The following TRRAP variants were observed in gnomAD, a reference collection of about 807,000 sequenced individuals.
The protein encoded by TRRAP is transformation/transcription domain associated protein, also known as transformation/transcription domain-associated protein.
Under a neutral mutation model 438.8 loss-of-function variants are expected in TRRAP, and 41 were observed. The ratio of observed to expected loss-of-function variants is 0.09; its 90% confidence interval spans 0.07 to 0.12. TRRAP has a LOEUF of 0.12. Ranked by LOEUF, TRRAP falls within the 10% of genes least tolerant of loss-of-function variation. The probability of loss-of-function intolerance (pLI) is 1.00; values close to 1 mark genes in which losing one functional copy is unlikely to be tolerated. For missense variants in TRRAP, 3,122 were observed against 5,055.1 expected (o/e 0.62, Z 11.60); for synonymous variants, 1,994 against 1,962.9 (o/e 1.02, Z -0.42).
intron 1 of TRRAP, among the ~76,000 whole-genome samples, chr7:98,879,280 G>A (rs180826388): frequency 2.0e-5 from 3 of 152,360 alleles, no homozygotes; most frequent in African/African-American, 4.8e-5. Flanking sequence ...CCCCGGCCAG[G>A]GCCCCCCAGG....
At chr7:98,923,070 G>C (rs868989435) in intron 21 of TRRAP, among the ~76,000 whole-genome samples, 1 of 152,136 alleles carries the variant, frequency 6.6e-6, no homozygotes, top group Non-Finnish European at 1.5e-5. Flanking sequence ...ATGAAGCACT[G>C]TTCCCTCTCC....
intron 61 of TRRAP, among the ~76,000 whole-genome samples, chr7:98,984,633 G>A (rs2116767286): frequency 6.6e-6 from 1 of 152,230 alleles, no homozygotes; most frequent in East Asian, 1.9e-4. Flanking sequence ...AGAATTATGA[G>A]GATCTAAGAT....
chr7:98,917,058 A>G (rs1374041794), intron 19 of TRRAP, among the ~76,000 whole-genome samples: 2 of 152,138 alleles, frequency 1.3e-5, no homozygotes, highest in African/African-American at 4.8e-5. Context: ...GCTCCTCGCC[A>G]TTTATAATAC....
chr7:98,934,918 T>C (rs571965967), intron 27 of TRRAP, among the ~76,000 whole-genome samples: 2 of 152,280 alleles, frequency 1.3e-5, no homozygotes, highest in African/African-American at 4.8e-5. Flanking sequence ...GTTTTAAGTC[T>C]TTTACCAGGT....
intron 62 of TRRAP, among the ~76,000 whole-genome samples, chr7:98,986,595 G>T (rs931801610): frequency 6.6e-6 from 1 of 152,124 alleles, no homozygotes; most frequent in African/African-American, 2.4e-5. Flanking sequence ...TATAGGTCTG[G>T]ATAAAAGTCT....
In TRRAP at chr7:98,994,555, T is replaced by C. The variant is rs758082027; in HGVS notation, c.10048-32T>C. 3 of 1,612,356 alleles carry C rather than the reference T, an allele frequency of 1.9e-6. No homozygotes were observed. Among genetic ancestry groups the C allele is most frequent in the Admixed American group, 1.7e-5 (1 of 59,992 alleles). On this transcript the variant is annotated intron_variant, in intron 66 of 72. Transcript: ENST00000456197. This position sits in a 1 kb window ranked among gnomAD's most constrained non-coding sequence, Gnocchi z 4.8. ...GCTGGTTCTGGAGTGGAGGGCTGTG[T>C]TTGTCAGTTGTCTCTGGCTCTTTTC...
chr7:98,913,242 G>A (rs1407471467), intron 18 of TRRAP, among the ~76,000 whole-genome samples: 4 of 151,972 alleles, frequency 2.6e-5, no homozygotes, highest in East Asian at 3.9e-4. Flanking sequence ...CTGGTTCTGC[G>A]GTTACAGTTA....
intron 60 of TRRAP, 59 bp from the exon 61 acceptor site, chr7:98,984,034 T>C: frequency 6.7e-7 from 1 of 1,502,622 alleles, no homozygotes; most frequent in South Asian, 1.4e-5. Flanking sequence ...TAAGCCTTGT[T>C]GTGAAGTGCT....
intron 67 of TRRAP, among the ~76,000 whole-genome samples, chr7:98,997,482 G>GAAAAAA (rs1562977777): frequency 4.6e-4 from 18 of 39,310 alleles, no homozygotes; most frequent in African/African-American, 1.7e-3. Flanking sequence ...CACTGCTGTT[G>GAAAAAA]CAAAAAAAAA....
intron 43 of TRRAP, among the ~76,000 whole-genome samples, chr7:98,957,630 C>A (rs1490889809): frequency 6.6e-6 from 1 of 152,206 alleles, no homozygotes; most frequent in Admixed American, 6.5e-5. Flanking sequence ...GCCCTGTGCT[C>A]ACTCAGGATG....
rs147673637 is a variant in TRRAP, at chr7:98,966,313, A to G, written c.7176+418A>G. 1.5e-3 allele frequency among the ~76,000 whole-genome samples: 235 copies of G among 152,266 alleles called. 1 individual carries two copies. The highest frequency in any genetic ancestry group is 5.4e-3 in the African/African-American group (225 of 41,560). ...AGAGCAAGACTCTGTCTTGGAAAAA[A>G]AAAAAGAAAGATGGATTTTTTTCAG... On this transcript the variant is annotated intron_variant, in intron 49 of 72. Transcript: ENST00000456197.
intron 24 of TRRAP, 61 bp downstream of exon 24, chr7:98,930,267 T>C (rs1790263034): frequency 6.4e-7 from 1 of 1,568,636 alleles, no homozygotes; most frequent in Non-Finnish European, 8.7e-7. Flanking sequence ...AGAGTGGTCC[T>C]TCTAGAAACT....
intron 70 of TRRAP, among the ~76,000 whole-genome samples, chr7:99,010,228 G>A (rs964687379): frequency 2.0e-5 from 3 of 152,214 alleles, no homozygotes; most frequent in African/African-American, 7.2e-5. Context: ...AAATAAAAAA[G>A]CTCCTCCAGA....
In TRRAP at chr7:98,908,980, A is replaced by G; in HGVS notation, c.1350+18A>G. The G allele has an allele frequency of 6.4e-7, 1 of 1,574,402 alleles. No individual in the cohort carries two copies. Among genetic ancestry groups the G allele is most frequent in the Non-Finnish European group, 8.7e-7 (1 of 1,148,000 alleles). On this transcript the variant is annotated intron_variant, in intron 14 of 72. Transcript: ENST00000456197. The surrounding 1 kb of genome is among the most constrained non-coding windows in gnomAD (Gnocchi z 4.1). ...TGCTGGAGGTACCAGCTCTTCTGAGAGTATCATCCATCCTGCACTCTATCC... is the reference window on the plus strand; with the variant it reads ...TGCTGGAGGTACCAGCTCTTCTGAGGGTATCATCCATCCTGCACTCTATCC...
chr7:99,009,362 CTCCTGGA>C (rs567878981), intron 70 of TRRAP, among the ~76,000 whole-genome samples: 199 of 152,302 alleles, frequency 1.3e-3, no homozygotes, highest in African/African-American at 4.2e-3. Flanking sequence ...GTTCTCCTGG[CTCCTGGA>C]GGACTTAGTT....
At chr7:98,992,355 T>G in intron 65 of TRRAP, 128 bp downstream of exon 65, 1 of 928,918 alleles carries the variant, frequency 1.1e-6, no homozygotes, top group Non-Finnish European at 1.7e-6. Context: ...CAATCTCTCC[T>G]CAGTGGGCAG....
rs750721176 is a variant in TRRAP, at chr7:98,994,890, C to G, written c.10309+42C>G. On this transcript the variant is annotated intron_variant, in intron 67 of 72. Coordinates refer to ENST00000456197, the MANE Select transcript of TRRAP (RefSeq NM_001375524.1). The surrounding 1 kb of genome is among the most constrained non-coding windows in gnomAD (Gnocchi z 4.8). ...CTTCCCTTCCATAGGGAGAATTGTG[C>G]ACGCTGATTTCCTCCGGCTTTAGTG... is the stretch of plus-strand genomic sequence containing the variant. 1 of 1,598,816 alleles carries G rather than the reference C, an allele frequency of 6.3e-7. No homozygotes were observed. Among genetic ancestry groups the G allele is most frequent in the Admixed American group, 1.7e-5 (1 of 59,284 alleles).
chr7:98,961,186 C>T, intron 45 of TRRAP, 75 bp from the exon 46 acceptor site: 11 of 1,491,260 alleles, frequency 7.4e-6, no homozygotes, highest in Non-Finnish European at 1.0e-5. Flanking sequence ...TAGATTTTGC[C>T]AGACTCTTGT....
At chr7:99,009,597 G>A (rs1794341228) in intron 70 of TRRAP, among the ~76,000 whole-genome samples, 1 of 152,234 alleles carries the variant, frequency 6.6e-6, no homozygotes, top group South Asian at 2.1e-4. Flanking sequence ...TGGTCATTCT[G>A]TGGATGATGG....
Sources: gnomAD v4.1 joint callset for allele counts (sites outside exome capture counted in the v4.1 genomes callset) on GRCh38, gnomAD v4.1.1 for gene constraint, Gnocchi (gnomAD v3.1) non-coding constraint, MANE v1.5 for transcripts, NCBI Gene and HGNC (gene_info 2026-07-23, HGNC 2026-07-21) for gene names.